Variants in PCDH7 observed in about 807,000 individuals in gnomAD.
The protein encoded by PCDH7 is protocadherin 7, also known as protocadherin-7.
In PCDH7, 17 loss-of-function variants were observed where a neutral mutation model predicts 58.9. The observed-to-expected ratio is 0.29, with a 90% CI of 0.20 to 0.43. The LOEUF (loss-of-function observed/expected upper bound fraction) is 0.43, where lower values mean the gene tolerates loss of function less well. Among genes scored for constraint, PCDH7 ranks in the 20% least tolerant of loss-of-function variants. The pLI, the probability that PCDH7 is intolerant of heterozygous loss-of-function variation, is 1.00. For synonymous variants in PCDH7, 664 were observed against 616.4 expected, an observed-to-expected ratio of 1.08 and a Z score of -1.14; for missense variants, 1,274 against 1,441.0, an observed-to-expected ratio of 0.88 and a Z score of 1.88.
intron 3 of PCDH7, among the ~76,000 whole-genome samples, chr4:30,970,540 G>A (rs966973131): frequency 4.6e-5 from 7 of 152,158 alleles, no homozygotes; most frequent in African/African-American, 9.6e-5. Flanking sequence ...TGATCCCCCC[G>A]CCTCGGCCTC....
At chr4:30,820,882 A>C (rs1728287782) in intron 1 of PCDH7, among the ~76,000 whole-genome samples, 1 of 152,076 alleles carries the variant, frequency 6.6e-6, no homozygotes, top group African/African-American at 2.4e-5. Flanking sequence ...AGGGGTTGTT[A>C]TTGCATTTTG....
intron 3 of PCDH7, among the ~76,000 whole-genome samples, chr4:31,038,352 A>T (rs1477634915): frequency 6.6e-6 from 1 of 152,210 alleles, no homozygotes; most frequent in Non-Finnish European, 1.5e-5. Context: ...ATTACCCATG[A>T]TAAATCAAAA....
intron 1 of PCDH7, among the ~76,000 whole-genome samples, chr4:30,767,862 A>C (rs1468672785): frequency 1.3e-5 from 2 of 152,194 alleles, no homozygotes; most frequent in Non-Finnish European, 2.9e-5. Flanking sequence ...AACAAACATC[A>C]ATAGAAAGGA....
chr4:30,793,528 A>G (rs1208741739), intron 1 of PCDH7, among the ~76,000 whole-genome samples: 1 of 152,114 alleles, frequency 6.6e-6, no homozygotes, highest in Non-Finnish European at 1.5e-5. Flanking sequence ...GGTTTAGTGA[A>G]GACAATTAAA....
At position 31,038,981 on chromosome 4, in the gene PCDH7, G is replaced by A. The variant is rs373828269; in HGVS notation, c.*7+88766G>A. The stretch of plus-strand genomic sequence containing the variant: ...TAACTTACCAGATAGTGTTTTCAAA[G>A]AGTAAATTAGCATATACCAAGTGCT... On this transcript the variant is annotated intron_variant, in intron 3 of 3. Coordinates refer to the PCDH7 transcript ENST00000509759. 1.7e-4 allele frequency among the ~76,000 whole-genome samples: 26 copies of A among 152,222 alleles called. No homozygotes were observed. In the South Asian group the frequency reaches 5.4e-3, roughly 32 times the overall value.
chr4:31,031,237 A>G (rs1362233322), intron 3 of PCDH7, among the ~76,000 whole-genome samples: 3 of 152,218 alleles, frequency 2.0e-5, no homozygotes, highest in Non-Finnish European at 4.4e-5. Flanking sequence ...CCCAAGGGAC[A>G]TTGGCAATGT....
rs553503075 is a variant in PCDH7, at chr4:31,134,602, A to C, written c.*8-7871A>C. On this transcript the variant is annotated intron_variant, in intron 3 of 3. Coordinates refer to the PCDH7 transcript ENST00000509759. ...CAGGGGCCTATTGCTTTGTCAATGA[A>C]CTATTTCCTCAAAACAAACAAACAC... Among the ~76,000 whole-genome samples, 4 of 152,226 alleles carry C rather than the reference A, an allele frequency of 2.6e-5. No individual in the cohort carries two copies. In the South Asian group the frequency reaches 8.3e-4, roughly 31 times the overall value.
chr4:31,126,354 T>A (rs1718306134), intron 3 of PCDH7, among the ~76,000 whole-genome samples: 1 of 152,012 alleles, frequency 6.6e-6, no homozygotes, highest in African/African-American at 2.4e-5. Flanking sequence ...GATAGGGGGT[T>A]TTGCCATGTT....
intron 1 of PCDH7, among the ~76,000 whole-genome samples, chr4:30,886,092 C>G (rs1001998550): frequency 1.3e-5 from 2 of 151,552 alleles, no homozygotes; most frequent in African/African-American, 4.9e-5. Context: ...ACACCAAAAG[C>G]AATGTCAACA....
intron 1 of PCDH7, among the ~76,000 whole-genome samples, chr4:30,743,129 A>G (rs1449015745): frequency 6.6e-6 from 1 of 152,034 alleles, no homozygotes; most frequent in East Asian, 1.9e-4. Flanking sequence ...GGTGGGAAAT[A>G]TAAACAAAAA....
intron 3 of PCDH7, among the ~76,000 whole-genome samples, chr4:31,113,157 T>C (rs994057983): frequency 1.3e-5 from 2 of 152,196 alleles, no homozygotes; most frequent in Admixed American, 1.3e-4. Flanking sequence ...TGAGTTGTCA[T>C]AGATCAAAAT....
intron 3 of PCDH7, among the ~76,000 whole-genome samples, chr4:30,989,588 T>C (rs1751281464): frequency 2.0e-5 from 3 of 152,202 alleles, no homozygotes; most frequent in Non-Finnish European, 1.5e-5. Context: ...GGGCAGTACT[T>C]ACAAAGTAGA....
At chr4:30,948,446 T>C (rs2109444472) in intron 2 of PCDH7, among the ~76,000 whole-genome samples, 1 of 152,258 alleles carries the variant, frequency 6.6e-6, no homozygotes, top group Admixed American at 6.5e-5. Flanking sequence ...CACTGAGGAA[T>C]ATTTAAATGT....
chr4:30,800,326 A>C (rs1725373301), intron 1 of PCDH7, among the ~76,000 whole-genome samples: 1 of 152,048 alleles, frequency 6.6e-6, no homozygotes, highest in South Asian at 2.1e-4. Flanking sequence ...ATACACATAC[A>C]TTTGTATATA....
intron 1 of PCDH7, among the ~76,000 whole-genome samples, chr4:30,831,001 A>C (rs1729700418): frequency 6.6e-6 from 1 of 152,118 alleles, no homozygotes; most frequent in Admixed American, 6.6e-5. Flanking sequence ...ATAGAGTAAA[A>C]GCATTTCATC....
intron 3 of PCDH7, among the ~76,000 whole-genome samples, chr4:31,090,983 G>A (rs1245760145): frequency 6.6e-6 from 1 of 152,008 alleles, no homozygotes; most frequent in African/African-American, 2.4e-5. Context: ...ACTTGATGAA[G>A]TACATTAATA....
intron 3 of PCDH7, among the ~76,000 whole-genome samples, chr4:31,108,352 T>A (rs1001001593): frequency 1.2e-5 from 1 of 84,912 alleles, no homozygotes; most frequent in African/African-American, 4.2e-5. Flanking sequence ...TAGTAGACTG[T>A]AACATACAGC....
intron 2 of PCDH7, among the ~76,000 whole-genome samples, chr4:30,925,521 C>G (rs578238576): frequency 3.3e-5 from 5 of 152,206 alleles, no homozygotes; most frequent in African/African-American, 1.2e-4. Context: ...CCTGTCATAC[C>G]TTTTTTCGTC....
At chr4:30,928,730 G>A (rs1296512306) in intron 2 of PCDH7, among the ~76,000 whole-genome samples, 1 of 152,098 alleles carries the variant, frequency 6.6e-6, no homozygotes, top group African/African-American at 2.4e-5. Flanking sequence ...CAGGAAGAAG[G>A]CCATGAAATG....
Sources: gnomAD v4.1 joint callset for allele counts (sites outside exome capture counted in the v4.1 genomes callset) on GRCh38, gnomAD v4.1.1 for gene constraint, MANE v1.5 for transcripts, NCBI Gene and HGNC (gene_info 2026-07-23, HGNC 2026-07-21) for gene names.